Variants in CDH6 observed in about 807,000 individuals in gnomAD.
CDH6 encodes the protein cadherin-6.
A neutral mutation model predicts 78.0 loss-of-function variants in CDH6; 31 were observed. That is an observed-to-expected ratio of 0.40 (90% CI 0.30 to 0.54). CDH6 has a LOEUF of 0.54. Among genes scored for constraint, CDH6 ranks in the 20% least tolerant of loss-of-function variants. CDH6 has a pLI of 0.56. For missense variants in CDH6, 724 were observed against 975.9 expected (o/e 0.74, Z 3.44); for synonymous variants, 376 against 368.8 (o/e 1.02, Z -0.23).
At chr5:31,224,282 G>A (rs774630949) in intron 1 of CDH6, among the ~76,000 whole-genome samples, 3 of 152,056 alleles carry the variant, frequency 2.0e-5, no homozygotes, top group South Asian at 2.1e-4. Context: ...ATTCACTATC[G>A]TGAGAAGAGC....
Position 31,323,418 on chromosome 5 carries a change from G to A in CDH6, c.*110G>A. The A allele has an allele frequency of 8.0e-7, 1 of 1,250,168 alleles. No individual in the cohort carries two copies. The highest frequency in any genetic ancestry group is 1.1e-6 in the Non-Finnish European group (1 of 900,534). 77.4% of individuals were successfully genotyped at this position (1,250,168 alleles called of 1,614,324 possible). A position where few individuals can be genotyped will look rare whatever the true frequency, so the allele number is the denominator to read the frequency against. ...CTTCTCTGTTCTACCCGTTCCAAAA[G>A]CCAATGGCTGCAGTCCGTGTGGATC... On this transcript the variant is annotated 3_prime_UTR_variant, in exon 12 of 12. Transcript: ENST00000265071.
At chr5:31,292,565 C>G (rs1255126188) in intron 2 of CDH6, among the ~76,000 whole-genome samples, 1 of 151,912 alleles carries the variant, frequency 6.6e-6, no homozygotes, top group African/African-American at 2.4e-5. Flanking sequence ...GTAGCATAGC[C>G]CATATTCTGT....
At chr5:31,214,140 T>TA (rs397809617) in intron 1 of CDH6, among the ~76,000 whole-genome samples, 5,262 of 129,952 alleles carry the variant, frequency 0.04, 237 homozygotes, top group African/African-American at 0.11. Context: ...ATCTGTGCCT[T>TA]AAAAAAAAAA....
chr5:31,218,235 T>G (rs557594394), intron 1 of CDH6, among the ~76,000 whole-genome samples: 2 of 152,212 alleles, frequency 1.3e-5, no homozygotes, highest in South Asian at 4.1e-4. Context: ...TATAAGCAGA[T>G]AAATTCACAA....
chr5:31,295,690 T>G (rs1383067255), intron 3 of CDH6, among the ~76,000 whole-genome samples: 1 of 152,138 alleles, frequency 6.6e-6, no homozygotes, highest in Non-Finnish European at 1.5e-5. Flanking sequence ...GACTTTGGTA[T>G]CAAACAGAAC....
intron 7 of CDH6, among the ~76,000 whole-genome samples, chr5:31,312,048 T>G (rs1738173155): frequency 6.6e-6 from 1 of 152,222 alleles, no homozygotes; most frequent in Admixed American, 6.5e-5. Flanking sequence ...CTTAAATATT[T>G]ATCAAGTTCC....
chr5:31,319,111 A>G (rs1317096202), intron 11 of CDH6: 1 of 180,512 alleles, frequency 5.5e-6, no homozygotes, highest in Non-Finnish European at 1.2e-5. Context: ...GTTCTTTTTG[A>G]TCAAAAGGGT....
intron 1 of CDH6, among the ~76,000 whole-genome samples, chr5:31,252,607 C>T (rs928862410): frequency 2.0e-5 from 3 of 152,006 alleles, no homozygotes; most frequent in Non-Finnish European, 4.4e-5. Context: ...ACTTTAGATT[C>T]TTATAAGGAA....
At chr5:31,280,195 C>T (rs1162356438) in intron 2 of CDH6, among the ~76,000 whole-genome samples, 1 of 152,174 alleles carries the variant, frequency 6.6e-6, no homozygotes, top group Non-Finnish European at 1.5e-5. Flanking sequence ...AGAAAGTATT[C>T]CCTGGCAGGC....
Position 31,302,310 on chromosome 5 carries a change from T to C in CDH6, c.999+12T>C, listed in dbSNP as rs768630888. 1.2e-6 allele frequency: 2 copies of C among 1,602,828 alleles called. No individual in the cohort carries two copies. The highest frequency in any genetic ancestry group is 1.7e-6 in the Non-Finnish European group (2 of 1,171,344). ...TAACTGTCAAAAAGGTAATGCCGCT[T>C]CTTAAACACCATACAGAGTGAACCC... On this transcript the variant is annotated intron_variant, in intron 6 of 11. Transcript: ENST00000265071.
intron 1 of CDH6, among the ~76,000 whole-genome samples, chr5:31,241,461 A>G (rs1291164835): frequency 6.6e-6 from 1 of 152,240 alleles, no homozygotes. Context: ...CATTGACCCA[A>G]GGGGTTAGCT....
chr5:31,323,026 T>C lies in CDH6; in HGVS notation c.2091T>C (p.Leu697=). The change falls in exon 12 of 12, where the codon CTT becomes CTC. Residue 697 remains leucine (L), a synonymous_variant. Transcript: ENST00000265071. ...GAAGGGACATTGTGCCCGAAGCCCT[T>C]TTCCTACCCCGACGGACTCCAACAG... ...KLRRDIVPEA[L]FLPRRTPTAR... The C allele has an allele frequency of 6.2e-7, 1 of 1,614,144 alleles. No individual in the cohort carries two copies. The highest frequency in any genetic ancestry group is 2.2e-5 in the East Asian group (1 of 44,868).
chr5:31,199,467 C>CACACACATATGTGTATATATATGT (rs1561193409), intron 1 of CDH6, among the ~76,000 whole-genome samples: 5 of 63,634 alleles, frequency 7.9e-5, no homozygotes, highest in South Asian at 5.8e-4. Context: ...TGTATATATA[C>CACACACATATGTGTATATATATGT]ACACACATAT....
At chr5:31,318,989 G>A (rs1272890153) in intron 11 of CDH6, 4 of 212,122 alleles carry the variant, frequency 1.9e-5, no homozygotes, top group African/African-American at 9.1e-5. Context: ...AAGACTTGGG[G>A]AAAGTATTTT....
At chr5:31,274,916 C>T (rs147798072) in intron 2 of CDH6, among the ~76,000 whole-genome samples, 1 of 152,316 alleles carries the variant, frequency 6.6e-6, no homozygotes, top group African/African-American at 2.4e-5. Flanking sequence ...TTCCACACTC[C>T]AACAAGTTAA....
chr5:31,243,351 T>C (rs1192998866), intron 1 of CDH6, among the ~76,000 whole-genome samples: 2 of 152,110 alleles, frequency 1.3e-5, no homozygotes, highest in African/African-American at 4.8e-5. Flanking sequence ...ACCACATCAG[T>C]CTCAGCAGAC....
At chr5:31,258,876 G>C (rs575278761) in intron 1 of CDH6, among the ~76,000 whole-genome samples, 1 of 152,200 alleles carries the variant, frequency 6.6e-6, no homozygotes, top group East Asian at 1.9e-4. Flanking sequence ...GTGGGCAGCA[G>C]CCTGGCACAC....
chr5:31,321,492 G>T (rs997406409), intron 11 of CDH6, among the ~76,000 whole-genome samples: 1 of 152,124 alleles, frequency 6.6e-6, no homozygotes, highest in Non-Finnish European at 1.5e-5. Flanking sequence ...GTAAAATGGG[G>T]TTTTAATGAT....
At chr5:31,304,899 A>G (rs1478731983) in intron 6 of CDH6, among the ~76,000 whole-genome samples, 1 of 152,086 alleles carries the variant, frequency 6.6e-6, no homozygotes, top group Non-Finnish European at 1.5e-5. Context: ...AGTCAACAGC[A>G]GGCATGGTCT....
Sources: allele counts gnomAD v4.1 joint callset (sites outside exome capture counted in the v4.1 genomes callset), GRCh38; gene constraint gnomAD v4.1.1; transcripts MANE v1.5; gene names NCBI Gene and HGNC (gene_info 2026-07-23, HGNC 2026-07-21).